Variants in SPIDR observed in about 807,000 individuals in gnomAD.
The protein encoded by SPIDR is scaffold protein involved in DNA repair.
SPIDR carries 93 observed loss-of-function variants against 104.6 expected under a neutral mutation model. The observed-to-expected ratio is 0.89, with a 90% CI of 0.75 to 1.06. The LOEUF (loss-of-function observed/expected upper bound fraction) is 1.06. Ranked by LOEUF, SPIDR falls within the 50% of genes least tolerant of loss-of-function variation. SPIDR has a pLI of 0.00. For synonymous variants in SPIDR, 431 were observed against 416.9 expected (o/e 1.03, Z -0.41); for missense variants, 1,154 against 1,111.2 (o/e 1.04, Z -0.55).
intron 8 of SPIDR, among the ~76,000 whole-genome samples, chr8:47,470,215 T>C (rs1397076625): frequency 5.3e-5 from 8 of 152,202 alleles, no homozygotes; most frequent in Non-Finnish European, 8.8e-5. Context: ...TAGAGATCAA[T>C]GGCATAGAAT....
chr8:47,335,921 CTTT>C (rs1216183751), intron 5 of SPIDR, among the ~76,000 whole-genome samples: 1 of 137,886 alleles, frequency 7.3e-6, no homozygotes. Flanking sequence ...TAAGTTTTTG[CTTT>C]TTTTTTTTTA....
At chr8:47,497,990 C>G (rs377192714) in intron 8 of SPIDR, among the ~76,000 whole-genome samples, 1 of 152,170 alleles carries the variant, frequency 6.6e-6, no homozygotes, top group African/African-American at 2.4e-5. Flanking sequence ...TGCATTTGCA[C>G]AGCAGAGTTA....
rs782132622 is a variant in SPIDR, at chr8:47,440,319, C to T, written c.878-4C>T. 1 of 1,612,796 alleles carries T rather than the reference C, an allele frequency of 6.2e-7. No homozygotes were observed. The highest frequency in any genetic ancestry group is 1.1e-5 in the South Asian group (1 of 91,042). On this transcript the variant is annotated splice_region_variant and splice_polypyrimidine_tract_variant and intron_variant, in intron 7 of 19. Transcript: ENST00000297423. Reference sequence around the variant, plus strand: ...TTTGCTTTGTTCTTTTCTTCAACTTCTAGGTAGAAAATCTGGTGTATTAAC... The same window carrying T: ...TTTGCTTTGTTCTTTTCTTCAACTTTTAGGTAGAAAATCTGGTGTATTAAC...
intron 1 of SPIDR, among the ~76,000 whole-genome samples, chr8:47,277,968 C>A (rs2154219558): frequency 6.6e-6 from 1 of 152,192 alleles, no homozygotes; most frequent in South Asian, 2.1e-4. Flanking sequence ...CCACCGTGCC[C>A]AGCTGTGTTT....
At chr8:47,592,967 A>G (rs1030164759) in intron 8 of SPIDR, among the ~76,000 whole-genome samples, 2 of 151,482 alleles carry the variant, frequency 1.3e-5, no homozygotes, top group Non-Finnish European at 2.9e-5. Flanking sequence ...GCTCACCACA[A>G]CCTCCACCTC....
intron 8 of SPIDR, among the ~76,000 whole-genome samples, chr8:47,575,485 TA>T (rs2058974182): frequency 6.8e-6 from 1 of 146,290 alleles, no homozygotes; most frequent in African/African-American, 2.5e-5. Flanking sequence ...CTACTAAAAA[TA>T]CAAAAAAAAA....
At chr8:47,409,870 A>C (rs1367627669) in intron 7 of SPIDR, among the ~76,000 whole-genome samples, 3 of 152,178 alleles carry the variant, frequency 2.0e-5, no homozygotes, top group African/African-American at 7.2e-5. Flanking sequence ...CGCTGCAAAA[A>C]TTTAAAAATT....
intron 14 of SPIDR, among the ~76,000 whole-genome samples, chr8:47,705,934 G>A (rs541411556): frequency 5.3e-5 from 8 of 151,132 alleles, no homozygotes; most frequent in East Asian, 1.9e-4. Flanking sequence ...TTGTATTTCC[G>A]TTACACTAAT....
chr8:47,423,902 C>T (rs1435661420), intron 7 of SPIDR, among the ~76,000 whole-genome samples: 1 of 152,186 alleles, frequency 6.6e-6, no homozygotes, highest in Non-Finnish European at 1.5e-5. Flanking sequence ...CAGTTTCCAA[C>T]ATTGCTTTGC....
intron 1 of SPIDR, among the ~76,000 whole-genome samples, chr8:47,263,252 T>C (rs929782604): frequency 6.6e-6 from 1 of 152,256 alleles, no homozygotes; most frequent in Non-Finnish European, 1.5e-5. Context: ...CTGTGTCTTA[T>C]TCCTTTACAG....
intron 11 of SPIDR, among the ~76,000 whole-genome samples, chr8:47,698,746 A>C (rs915917318): frequency 2.6e-5 from 4 of 152,228 alleles, no homozygotes; most frequent in African/African-American, 9.6e-5. Context: ...AAAGGGTTTC[A>C]TGGTTATAAA....
intron 7 of SPIDR, among the ~76,000 whole-genome samples, chr8:47,408,680 A>G (rs1314966351): frequency 6.6e-6 from 1 of 152,230 alleles, no homozygotes; most frequent in East Asian, 1.9e-4. Flanking sequence ...ACATGATCTT[A>G]TATCTAGAAA....
At chr8:47,594,752 G>A (rs924886544) in intron 8 of SPIDR, among the ~76,000 whole-genome samples, 1 of 152,006 alleles carries the variant, frequency 6.6e-6, no homozygotes, top group Non-Finnish European at 1.5e-5. Context: ...CTAGCACTTC[G>A]GGAGGCCAAG....
At chr8:47,589,517 T>C (rs1191910267) in intron 8 of SPIDR, among the ~76,000 whole-genome samples, 1 of 151,424 alleles carries the variant, frequency 6.6e-6, no homozygotes, top group Non-Finnish European at 1.5e-5. Flanking sequence ...AGAGCATGAC[T>C]CCATCTCAAA....
At chr8:47,406,232 T>C (rs1243978199) in intron 6 of SPIDR, among the ~76,000 whole-genome samples, 1 of 152,160 alleles carries the variant, frequency 6.6e-6, no homozygotes, top group Non-Finnish European at 1.5e-5. Context: ...GTTTAAGAGG[T>C]GCTAGGTATA....
At chr8:47,655,970 A>G (rs2072723196) in intron 10 of SPIDR, among the ~76,000 whole-genome samples, 1 of 152,232 alleles carries the variant, frequency 6.6e-6, no homozygotes, top group South Asian at 2.1e-4. Context: ...TGGAGAAAGA[A>G]GAGTCATTCC....
At position 47,403,231 on chromosome 8, in the gene SPIDR, A is replaced by G. The variant is rs1291951218; in HGVS notation, c.777-4630A>G. 3.3e-5 allele frequency among the ~76,000 whole-genome samples: 5 copies of G among 152,228 alleles called. No individual in the cohort carries two copies. In the East Asian group the frequency reaches 5.8e-4, roughly 18 times the overall value. On this transcript the variant is annotated intron_variant, in intron 6 of 19. Transcript: ENST00000297423. ...AAAATAATAAGAGGTATTTATGACA[A>G]ACCCACAGCCAATATCATACTGAAT... is the stretch of plus-strand genomic sequence containing the variant.
intron 5 of SPIDR, among the ~76,000 whole-genome samples, chr8:47,354,922 C>T (rs186367706): frequency 6.6e-6 from 1 of 152,186 alleles, no homozygotes; most frequent in Non-Finnish European, 1.5e-5. Flanking sequence ...GGATTACAGG[C>T]ATGAGCTACC....
At chr8:47,718,934 A>G (rs960751159) in intron 16 of SPIDR, among the ~76,000 whole-genome samples, 2 of 152,030 alleles carry the variant, frequency 1.3e-5, no homozygotes, top group Non-Finnish European at 1.5e-5. Flanking sequence ...TCCCCTACGC[A>G]GGGCTCCTTC....
Sources: gnomAD v4.1 joint callset for allele counts (sites outside exome capture counted in the v4.1 genomes callset) on GRCh38, gnomAD v4.1.1 for gene constraint, MANE v1.5 for transcripts, NCBI Gene and HGNC (gene_info 2026-07-23, HGNC 2026-07-21) for gene names.